KIF26B: variants seen among roughly 807,000 people sequenced by gnomAD.
KIF26B encodes the protein kinesin family member 26B, also known as kinesin-like protein KIF26B.
Under a neutral mutation model 151.2 loss-of-function variants are expected in KIF26B, and 63 were observed. The ratio of observed to expected loss-of-function variants is 0.42; its 90% CI spans 0.34 to 0.51. KIF26B has a LOEUF of 0.51. Ranked by LOEUF, KIF26B falls within the 20% of genes least tolerant of loss-of-function variation. The pLI, the probability that KIF26B is intolerant of heterozygous loss-of-function variation, is 0.07. For missense variants in KIF26B, 2,813 were observed against 2,913.6 expected, an observed-to-expected ratio of 0.97 and a Z score of 0.79; for synonymous variants, 1,357 against 1,262.1, an observed-to-expected ratio of 1.08 and a Z score of -1.59.
In KIF26B at chr1:245,162,003, G is replaced by A. The variant is rs138752466; in HGVS notation, c.465+5320G>A. Among the ~76,000 whole-genome samples, 1,014 of 152,262 alleles carry A rather than the reference G, an allele frequency of 6.7e-3. 5 individuals carry two copies. Among genetic ancestry groups the A allele is most frequent in the African/African-American group, 0.024 (979 of 41,552 alleles). On this transcript the variant is annotated intron_variant, in intron 2 of 14. Coordinates refer to ENST00000407071, the MANE Select transcript of KIF26B (RefSeq NM_018012.4). ...GGGGAAGGAACCTCCTTATATTTAC[G>A]TGCACCCATTGGAGACCCTGTTGTC...
At position 245,685,645 on chromosome 1, in the gene KIF26B, G is replaced by C. The variant is rs756497702; in HGVS notation, c.2662G>C (p.Asp888His). 1 of 1,613,398 alleles carries C rather than the reference G, an allele frequency of 6.2e-7. No homozygotes were observed. Among genetic ancestry groups the C allele is most frequent in the Non-Finnish European group, 8.5e-7 (1 of 1,179,814 alleles). ...GCTCACCGACAACGAGGGCCCCCCA[G>C]ACTTTGTCCCTATCGTGCCAGCCCT... is the stretch of plus-strand genomic sequence containing the variant. Reference protein sequence around the residue: ...KELTDNEGPPDFVPIVPALQK... With the variant: ...KELTDNEGPPHFVPIVPALQK... The change falls in exon 12 of 15, where the codon GAC (aspartate) becomes CAC (histidine). Residue 888 changes from aspartate to histidine, a missense_variant. By Grantham distance (81) the Asp-to-His change is moderately conservative (BLOSUM62 -1). Around this residue, in one of 3 missense-constraint regions of KIF26B, gnomAD observed 2,060 missense variants for 2,088.6 expected, o/e 0.99. Transcript: ENST00000407071.
chr1:245,325,739 T>A (rs1671977910), intron 2 of KIF26B, among the ~76,000 whole-genome samples: 1 of 151,974 alleles, frequency 6.6e-6, no homozygotes, highest in South Asian at 2.1e-4. Flanking sequence ...AAAGAATCCA[T>A]TTCATCCAGC....
intron 4 of KIF26B, among the ~76,000 whole-genome samples, chr1:245,481,073 C>G (rs559456825): frequency 6.6e-6 from 1 of 151,810 alleles, no homozygotes; most frequent in African/African-American, 2.4e-5. Context: ...CTGTGCTGGC[C>G]GTGCGTTGTG....
At chr1:245,681,072 G>T (rs2044429508) in intron 10 of KIF26B, among the ~76,000 whole-genome samples, 1 of 152,058 alleles carries the variant, frequency 6.6e-6, no homozygotes, top group African/African-American at 2.4e-5. Flanking sequence ...TTTCAGGTAG[G>T]AGCTACAGTG....
intron 12 of KIF26B, among the ~76,000 whole-genome samples, chr1:245,690,515 A>G (rs897573047): frequency 5.3e-5 from 8 of 152,220 alleles, no homozygotes; most frequent in African/African-American, 1.9e-4. Context: ...GGAATGTTCC[A>G]AATGTAAGGG....
Position 245,602,593 on chromosome 1 carries a change from G to A in KIF26B, c.1367G>A (p.Arg456His), listed in dbSNP as rs1293822425. 1.2e-6 allele frequency: 2 copies of A among 1,612,048 alleles called. No homozygotes were observed. The highest frequency in any genetic ancestry group is 1.7e-6 in the Non-Finnish European group (2 of 1,178,948). ...TCTTAACAGGTGAAAGTCATGCTTC[G>A]CATCTGTTCCACCTTGGCTCGAGAT... ...PGLGKVKVMLRICSTLARDTS... is the reference protein window; with the variant it reads ...PGLGKVKVMLHICSTLARDTS... The change falls in exon 6 of 15, where the codon CGC becomes CAC. Residue 456 changes from arginine to histidine, a missense_variant. Coordinates refer to ENST00000407071, the MANE Select transcript of KIF26B (RefSeq NM_018012.4). This position sits in a 1 kb window ranked among gnomAD's most constrained non-coding sequence, Gnocchi z 4.5.
At position 245,166,794 on chromosome 1, in the gene KIF26B, G is replaced by T. The variant is rs760495657; in HGVS notation, c.465+10111G>T. Among the ~76,000 whole-genome samples the T allele has an allele frequency of 6.6e-6, 1 of 152,114 alleles. No homozygotes were observed. Among genetic ancestry groups the T allele is most frequent in the African/African-American group, 2.4e-5 (1 of 41,426 alleles). On this transcript the variant is annotated intron_variant, in intron 2 of 14. Transcript: ENST00000407071. The surrounding 1 kb of genome is among the most constrained non-coding windows in gnomAD (Gnocchi z 4.5). ...ACCCCATGGGAAGTCTGGGAATAAA[G>T]AAGTCACCCTCCCCCACCAAGCAGG...
chr1:245,420,118 G>C (rs1238687637), intron 4 of KIF26B, among the ~76,000 whole-genome samples: 1 of 152,168 alleles, frequency 6.6e-6, no homozygotes, highest in Non-Finnish European at 1.5e-5. Flanking sequence ...GGACTTTGTA[G>C]AGGCATCCCT....
intron 2 of KIF26B, among the ~76,000 whole-genome samples, chr1:245,181,850 T>C (rs1668913446): frequency 6.6e-6 from 1 of 152,080 alleles, no homozygotes; most frequent in African/African-American, 2.4e-5. Context: ...GAGGAGGAGA[T>C]GCTGGCGACC....
At chr1:245,642,856 G>C (rs2043908263) in intron 9 of KIF26B, among the ~76,000 whole-genome samples, 1 of 152,192 alleles carries the variant, frequency 6.6e-6, no homozygotes, top group South Asian at 2.1e-4. Flanking sequence ...CTTGGGATCT[G>C]CTGTGGAATA....
intron 2 of KIF26B, among the ~76,000 whole-genome samples, chr1:245,178,843 G>A (rs1668856164): frequency 6.6e-6 from 1 of 152,224 alleles, no homozygotes; most frequent in Non-Finnish European, 1.5e-5. Flanking sequence ...TGGAGGGCAA[G>A]TGGGGCCGGC....
Position 245,227,813 on chromosome 1 carries a change from C to T in KIF26B, c.465+71130C>T, listed in dbSNP as rs1446390069. On this transcript the variant is annotated intron_variant, in intron 2 of 14. Coordinates refer to ENST00000407071, the MANE Select transcript of KIF26B (RefSeq NM_018012.4). The surrounding 1 kb of genome is among the most constrained non-coding windows in gnomAD (Gnocchi z 4.1). ...GTCAGGAGTTTGAGACCAGCCTGGC[C>T]AACATGGTGGAACCCCATCTCTACT... Among the ~76,000 whole-genome samples the T allele has an allele frequency of 1.3e-5, 2 of 152,056 alleles. No individual in the cohort carries two copies. The highest frequency in any genetic ancestry group is 2.9e-5 in the Non-Finnish European group (2 of 68,006).
intron 3 of KIF26B, among the ~76,000 whole-genome samples, chr1:245,409,550 G>T (rs548594820): frequency 6.6e-6 from 1 of 152,208 alleles, no homozygotes; most frequent in African/African-American, 2.4e-5. Flanking sequence ...TAGGCCCTGC[G>T]TATCGCCAGT....
intron 4 of KIF26B, among the ~76,000 whole-genome samples, chr1:245,440,287 C>A (rs564543737): frequency 6.6e-6 from 1 of 151,828 alleles, no homozygotes; most frequent in Non-Finnish European, 1.5e-5. Flanking sequence ...GCCTGGTGAG[C>A]GGGTAGAGAC....
intron 3 of KIF26B, among the ~76,000 whole-genome samples, chr1:245,373,148 A>T (rs1264775701): frequency 2.0e-5 from 3 of 152,114 alleles, no homozygotes; most frequent in Non-Finnish European, 4.4e-5. Context: ...GACAACAGGG[A>T]CTCATTTTAT....
At chr1:245,405,652 T>C (rs544923875) in intron 3 of KIF26B, among the ~76,000 whole-genome samples, 73 of 151,032 alleles carry the variant, frequency 4.8e-4, no homozygotes, top group African/African-American at 1.8e-3. Context: ...CATGAATAAG[T>C]GCTGCAATTA....
At chr1:245,314,483 C>G (rs1671725874) in intron 2 of KIF26B, among the ~76,000 whole-genome samples, 1 of 152,108 alleles carries the variant, frequency 6.6e-6, no homozygotes, top group Non-Finnish European at 1.5e-5. Flanking sequence ...AACAAACAGC[C>G]CTTACATTCA....
chr1:245,283,290 C>T (rs925943912), intron 2 of KIF26B, among the ~76,000 whole-genome samples: 43 of 152,204 alleles, frequency 2.8e-4, no homozygotes, highest in African/African-American at 9.6e-4. Flanking sequence ...CCACCCACCG[C>T]GAGCCCAATC....
chr1:245,423,709 A>T (rs1188718742), intron 4 of KIF26B, among the ~76,000 whole-genome samples: 3 of 152,020 alleles, frequency 2.0e-5, no homozygotes, highest in Non-Finnish European at 4.4e-5. Flanking sequence ...GACGAAAAAT[A>T]TGTCTATCCT....
Sources: gnomAD v4.1 joint callset for allele counts (sites outside exome capture counted in the v4.1 genomes callset) on GRCh38, gnomAD v4.1.1 for gene constraint, gnomAD v4.1.1 regional missense constraint, Gnocchi (gnomAD v3.1) non-coding constraint, MANE v1.5 for transcripts, NCBI Gene and HGNC (gene_info 2026-07-23, HGNC 2026-07-21) for gene names.